Variants in CCT6B observed in about 807,000 individuals in gnomAD.
CCT6B encodes probable T-complex protein 1 subunit zeta-2.
In CCT6B, 49 loss-of-function variants were observed where a neutral mutation model predicts 61.5. That is an observed-to-expected ratio of 0.80 (90% CI 0.63 to 1.01). CCT6B has a LOEUF of 1.01. Ranked by LOEUF, CCT6B falls within the 50% of genes least tolerant of loss-of-function variation. The pLI, the probability that CCT6B is intolerant of heterozygous loss-of-function variation, is 0.00. For synonymous variants in CCT6B, 228 were observed against 214.5 expected (o/e 1.06, Z -0.55); for missense variants, 666 against 634.7 (o/e 1.05, Z -0.53).
chr17:34,941,830 C>G (rs1449501576), intron 7 of CCT6B, among the ~76,000 whole-genome samples: 1 of 152,124 alleles, frequency 6.6e-6, no homozygotes, highest in Non-Finnish European at 1.5e-5. Context: ...CCAAGAGGAT[C>G]ACTTGAGACC....
intron 10 of CCT6B, among the ~76,000 whole-genome samples, chr17:34,936,443 A>G (rs1054172863): frequency 6.6e-6 from 1 of 152,192 alleles, no homozygotes; most frequent in Admixed American, 6.5e-5. Flanking sequence ...GTTCTGGCCC[A>G]TGAAATAAGG....
Position 34,951,973 on chromosome 17 carries a change from C to G in CCT6B, c.591G>C (p.Lys197Asn). Residue 197 changes from lysine (K) to asparagine (N), a missense_variant, in exon 5 of 14, where the codon AAG (lysine) becomes AAC (asparagine). Physicochemically the swap from Lys to Asn is moderately conservative, Grantham distance 94. Coordinates refer to ENST00000314144, the MANE Select transcript of CCT6B (RefSeq NM_006584.4). ...DLFMVEIMEMKHKLGTDTKLI... is the reference protein window; with the variant it reads ...DLFMVEIMEMNHKLGTDTKLI... Reference sequence around the variant, plus strand: ...ACTTTGTATCTGTTCCTAATTTATGCTTCATCTCCATTATTTCTACCATGA... The same window carrying G: ...ACTTTGTATCTGTTCCTAATTTATGGTTCATCTCCATTATTTCTACCATGA... 2 of 1,594,664 alleles carry G rather than the reference C, an allele frequency of 1.3e-6. No homozygotes were observed. The highest frequency in any genetic ancestry group is 2.2e-5 in the South Asian group (2 of 88,918).
chr17:34,954,502 C>G lies in CCT6B; in HGVS notation c.434G>C (p.Arg145Thr). 1 of 1,613,522 alleles carries G rather than the reference C, an allele frequency of 6.2e-7. No homozygotes were observed. The highest frequency in any genetic ancestry group is 1.1e-5 in the South Asian group (1 of 90,976). The change falls in exon 4 of 14, where the codon AGA becomes ACA. Residue 145 changes from arginine (R) to threonine (T), a missense_variant. Transcript: ENST00000314144. ...EEVKVTKEMK[R>T]KILLDVARTS... ...TCTAGCTACATCTAAGAGGATTTTT[C>G]TTTTCATCTCCTTTGTCACTTTAAC...
chr17:34,954,395 T>C (rs1341926290), intron 4 of CCT6B, 31 bp downstream of exon 4: 4 of 1,552,812 alleles, frequency 2.6e-6, no homozygotes, highest in Non-Finnish European at 3.5e-6. Flanking sequence ...TAGGCTATAT[T>C]TGTTCTGAAT....
Position 34,948,109 on chromosome 17 carries a change from C to T in CCT6B, c.614+3841G>A, listed in dbSNP as rs560131904. Among the ~76,000 whole-genome samples the T allele has an allele frequency of 1.8e-3, 268 of 151,862 alleles. 3 individuals carry two copies. Among genetic ancestry groups the T allele is most frequent in the Non-Finnish European group, 3.4e-3 (229 of 67,956 alleles). Reference sequence around the variant, plus strand: ...TGGTGTTTGGTTACATGACTAAGTTCTTTAGTGGTGATTTCTTAGATTTCG... The same window carrying T: ...TGGTGTTTGGTTACATGACTAAGTTTTTTAGTGGTGATTTCTTAGATTTCG... On this transcript the variant is annotated intron_variant, in intron 5 of 13. Coordinates refer to ENST00000314144, the MANE Select transcript of CCT6B (RefSeq NM_006584.4).
At chr17:34,957,776 GAA>G (rs938564710) in intron 3 of CCT6B, among the ~76,000 whole-genome samples, 2 of 152,160 alleles carry the variant, frequency 1.3e-5, no homozygotes, top group Non-Finnish European at 2.9e-5. Flanking sequence ...CAGATATGGA[GAA>G]AAGAGATACT....
chr17:34,952,846 G>A (rs2090307389), intron 4 of CCT6B, among the ~76,000 whole-genome samples: 1 of 152,092 alleles, frequency 6.6e-6, no homozygotes, highest in South Asian at 2.1e-4. Context: ...TTATTTTAGA[G>A]GCAAATAAGA....
At chr17:34,930,382 C>G (rs1168720331) in intron 12 of CCT6B, among the ~76,000 whole-genome samples, 1 of 152,214 alleles carries the variant, frequency 6.6e-6, no homozygotes, top group Non-Finnish European at 1.5e-5. Context: ...CATGATCTGA[C>G]CTTCTGTCAC....
intron 12 of CCT6B, among the ~76,000 whole-genome samples, chr17:34,930,417 C>T (rs2090022489): frequency 1.3e-5 from 2 of 152,192 alleles, no homozygotes; most frequent in Non-Finnish European, 2.9e-5. Context: ...TCCTCAGAAA[C>T]ATCAGACACT....
chr17:34,950,940 A>G lies in CCT6B; in HGVS notation c.614+1010T>C, dbSNP rs190516881. Among the ~76,000 whole-genome samples the G allele has an allele frequency of 5.1e-3, 773 of 151,874 alleles. 2 individuals carry two copies. Among genetic ancestry groups the G allele is most frequent in the African/African-American group, 0.018 (735 of 41,416 alleles). On this transcript the variant is annotated intron_variant, in intron 5 of 13. Coordinates refer to ENST00000314144, the MANE Select transcript of CCT6B (RefSeq NM_006584.4). ...TGAGACTCCATCTCAAAAAAAAAAAAAAGAAGAAGAAGAAGAAGAAAATTG... is the reference window on the plus strand; with the variant it reads ...TGAGACTCCATCTCAAAAAAAAAAAGAAGAAGAAGAAGAAGAAGAAAATTG...
At chr17:34,951,855 T>C in intron 5 of CCT6B, 95 bp downstream of exon 5, 1 of 581,548 alleles carries the variant, frequency 1.7e-6, no homozygotes, top group Non-Finnish European at 3.0e-6. Context: ...TGAATGAATA[T>C]ATTTATGTTG....
chr17:34,949,977 A>G (rs2090272785), intron 5 of CCT6B, among the ~76,000 whole-genome samples: 1 of 152,214 alleles, frequency 6.6e-6, no homozygotes, highest in Non-Finnish European at 1.5e-5. Context: ...TGAAACATTA[A>G]CATAACAAAA....
chr17:34,939,518 TCAAAACA>T, intron 9 of CCT6B, 92 bp downstream of exon 9: 1 of 903,914 alleles, frequency 1.1e-6, no homozygotes, highest in East Asian at 2.6e-5. Flanking sequence ...GAATTAGATC[TCAAAACA>T]CAAAACATGA....
Position 34,939,645 on chromosome 17 carries a change from T to C in CCT6B, c.1037A>G (p.His346Arg), listed in dbSNP as rs758720171. 1.2e-6 allele frequency: 2 copies of C among 1,611,954 alleles called. No homozygotes were observed. Among genetic ancestry groups the C allele is most frequent in the African/African-American group, 1.3e-5 (1 of 74,936 alleles). The change falls in exon 9 of 14, where the codon CAT becomes CGT. Residue 346 changes from histidine to arginine, a missense_variant. Transcript: ENST00000314144. Reference sequence around the variant, plus strand: ...TGTATACTCATACACAAGACCAGCATGTCCCAAGCAATCTACAGTGAGATC... The same window carrying C: ...TGTATACTCATACACAAGACCAGCACGTCCCAAGCAATCTACAGTGAGATC... ...FEDLTVDCLGHAGLVYEYTLG... is the reference protein window; with the variant it reads ...FEDLTVDCLGRAGLVYEYTLG...
chr17:34,942,754 GA>G (rs752502054), intron 6 of CCT6B, 41 bp downstream of exon 6: 31 of 1,498,344 alleles, frequency 2.1e-5, no homozygotes, highest in Middle Eastern at 1.7e-4. Context: ...AACACCTTTA[GA>G]AAAAAAAATT....
chr17:34,952,950 T>C (rs1301813010), intron 4 of CCT6B, among the ~76,000 whole-genome samples: 1 of 152,112 alleles, frequency 6.6e-6, no homozygotes, highest in African/African-American at 2.4e-5. Context: ...TTTGGGGCCA[T>C]TCAAGTACTC....
intron 10 of CCT6B, among the ~76,000 whole-genome samples, chr17:34,938,236 AC>A (rs1211361211): frequency 6.6e-6 from 1 of 152,162 alleles, no homozygotes; most frequent in Non-Finnish European, 1.5e-5. Flanking sequence ...CAGAAAATTC[AC>A]CAGATATACA....
intron 10 of CCT6B, among the ~76,000 whole-genome samples, chr17:34,933,681 T>A (rs193228520): frequency 1.3e-5 from 2 of 152,330 alleles, no homozygotes; most frequent in East Asian, 3.9e-4. Context: ...CTAGAACCTT[T>A]GAAAACTTCC....
At position 34,932,378 on chromosome 17, in the gene CCT6B, T is replaced by C. The variant is rs569383605; in HGVS notation, c.1336A>G (p.Ile446Val). 12 of 1,608,166 alleles carry C rather than the reference T, an allele frequency of 7.5e-6. No homozygotes were observed. The highest frequency in any genetic ancestry group is 1.0e-5 in the Non-Finnish European group (12 of 1,178,062). The change falls in exon 11 of 14, where the codon ATT becomes GTT. Residue 446 changes from isoleucine to valine, a missense_variant. By Grantham distance (29) the Ile-to-Val change is conservative. Coordinates refer to ENST00000314144, the MANE Select transcript of CCT6B (RefSeq NM_006584.4). ...AAGGGTAGTTGTACCTTGGGAATAA[T>C]GAGTAAGGCATCAGCAAAAGCTTGG... ...GVQAFADALL[I>V]IPKVLAQNAG... is the part of the protein sequence containing the mutation.
Sources: gnomAD v4.1 joint callset for allele counts (sites outside exome capture counted in the v4.1 genomes callset) on GRCh38, gnomAD v4.1.1 for gene constraint, MANE v1.5 for transcripts, NCBI Gene and HGNC (gene_info 2026-07-23, HGNC 2026-07-21) for gene names.